Variants in RNF220 observed in about 807,000 individuals in gnomAD.
RNF220 encodes E3 ubiquitin-protein ligase RNF220.
A neutral mutation model predicts 67.1 loss-of-function variants in RNF220; 7 were observed. The ratio of observed to expected loss-of-function variants is 0.10; its 90% CI spans 0.06 to 0.20. RNF220 has a LOEUF of 0.20. Ranked by LOEUF, RNF220 falls within the 10% of genes least tolerant of loss-of-function variation. The pLI is 1.00. For missense variants in RNF220, 565 were observed against 740.3 expected, an observed-to-expected ratio of 0.76 and a Z score of 2.75; for synonymous variants, 270 against 283.2, an observed-to-expected ratio of 0.95 and a Z score of 0.47.
intron 2 of RNF220, among the ~76,000 whole-genome samples, chr1:44,513,329 G>A (rs960484469): frequency 6.6e-6 from 1 of 152,206 alleles, no homozygotes; most frequent in Non-Finnish European, 1.5e-5. Flanking sequence ...GCCCATGGGG[G>A]CCAGCCAGGC....
intron 2 of RNF220, among the ~76,000 whole-genome samples, chr1:44,506,551 G>T (rs1658445542): frequency 6.6e-6 from 1 of 152,214 alleles, no homozygotes; most frequent in Non-Finnish European, 1.5e-5. Context: ...GCCCCTGGGG[G>T]TCATCTATCA....
Position 44,498,339 on chromosome 1 carries a change from C to T in RNF220, c.625+85617C>T, listed in dbSNP as rs149523218. ...ATTCTGCCCAAGAGTGTACCAGGAC[C>T]GATGTCACCAAGCTCTCCATTTGCT... On this transcript the variant is annotated intron_variant, in intron 2 of 14. Transcript: ENST00000361799. Among the ~76,000 whole-genome samples, 21 of 152,190 alleles carry T rather than the reference C, an allele frequency of 1.4e-4. No homozygotes were observed. The South Asian group carries it at 3.5e-3, about 26-fold the overall frequency.
At chr1:44,488,868 C>A (rs1479631137) in intron 2 of RNF220, among the ~76,000 whole-genome samples, 1 of 149,830 alleles carries the variant, frequency 6.7e-6, no homozygotes, top group Non-Finnish European at 1.5e-5. Context: ...TAGCTGGGAC[C>A]ACAGGCGCAC....
chr1:44,474,932 C>T (rs1234231030), intron 2 of RNF220, among the ~76,000 whole-genome samples: 4 of 151,972 alleles, frequency 2.6e-5, no homozygotes, highest in African/African-American at 7.2e-5. Context: ...GGAACTAATC[C>T]GCCATGGATA....
intron 2 of RNF220, among the ~76,000 whole-genome samples, chr1:44,429,184 G>A (rs961670666): frequency 4.0e-5 from 6 of 151,812 alleles, no homozygotes; most frequent in Non-Finnish European, 7.4e-5. Context: ...AAAAAAGCTG[G>A]GGGGAGTAAT....
intron 5 of RNF220, chr1:44,631,957 A>C: frequency 2.2e-5 from 22 of 992,112 alleles, no homozygotes; most frequent in Non-Finnish European, 2.6e-5. Flanking sequence ...ACGGCGGCAG[A>C]TCACGTGATT....
intron 2 of RNF220, among the ~76,000 whole-genome samples, chr1:44,487,262 G>A (rs1011331011): frequency 1.6e-4 from 25 of 152,098 alleles, no homozygotes; most frequent in African/African-American, 5.8e-4. Flanking sequence ...TTGAACCTGG[G>A]AGGCAGAGGT....
chr1:44,627,700 C>G (rs1643997628), intron 5 of RNF220, among the ~76,000 whole-genome samples: 1 of 152,182 alleles, frequency 6.6e-6, no homozygotes, highest in Non-Finnish European at 1.5e-5. Context: ...CAGGGCTTCG[C>G]AGGGAGGCCC....
At chr1:44,582,839 C>G (rs916764327) in intron 2 of RNF220, among the ~76,000 whole-genome samples, 39 of 150,554 alleles carry the variant, frequency 2.6e-4, no homozygotes, top group African/African-American at 9.6e-4. Flanking sequence ...GCCTGGCCAA[C>G]ATAGTGAAAC....
At chr1:44,528,383 C>T (rs1375831138) in intron 2 of RNF220, among the ~76,000 whole-genome samples, 3 of 151,938 alleles carry the variant, frequency 2.0e-5, no homozygotes, top group Non-Finnish European at 4.4e-5. Context: ...TCACTGCAAG[C>T]TCCGTCTCCC....
At chr1:44,448,028 C>T (rs933604818) in intron 2 of RNF220, among the ~76,000 whole-genome samples, 5 of 151,954 alleles carry the variant, frequency 3.3e-5, no homozygotes, top group South Asian at 2.1e-4. Context: ...ATTGGCCGGG[C>T]AGTGTCACGC....
At chr1:44,598,777 T>C (rs1666719860) in intron 2 of RNF220, among the ~76,000 whole-genome samples, 1 of 152,226 alleles carries the variant, frequency 6.6e-6, no homozygotes, top group African/African-American at 2.4e-5. Flanking sequence ...ACTTGATATT[T>C]TGGTAAGGAG....
chr1:44,574,492 C>T (rs1664666758), intron 2 of RNF220, among the ~76,000 whole-genome samples: 2 of 152,238 alleles, frequency 1.3e-5, no homozygotes. Flanking sequence ...GAAAAAGCCT[C>T]TCAGGGCTTC....
chr1:44,420,967 G>A (rs992320833), intron 2 of RNF220, among the ~76,000 whole-genome samples: 2 of 152,208 alleles, frequency 1.3e-5, no homozygotes, highest in African/African-American at 2.4e-5. Context: ...AGCAATGTAT[G>A]TAGGGTCCTT....
chr1:44,635,352 C>T, intron 6 of RNF220, 193 bp from the exon 7 acceptor site: 3 of 723,640 alleles, frequency 4.1e-6, no homozygotes, highest in Non-Finnish European at 6.5e-6. Flanking sequence ...GCACCAGTCT[C>T]CTCCCCAGGT....
At chr1:44,458,086 C>T (rs1407794309) in intron 2 of RNF220, among the ~76,000 whole-genome samples, 1 of 141,556 alleles carries the variant, frequency 7.1e-6, no homozygotes, top group East Asian at 2.1e-4. Context: ...GCAAGACCCT[C>T]CCTCTACACA....
chr1:44,588,375 C>T (rs1229802123), intron 2 of RNF220, among the ~76,000 whole-genome samples: 6 of 152,216 alleles, frequency 3.9e-5, no homozygotes, highest in South Asian at 2.1e-4. Context: ...GGCCAGTAGG[C>T]GAGCTGCTCT....
intron 2 of RNF220, among the ~76,000 whole-genome samples, chr1:44,533,307 A>G (rs1426734516): frequency 6.6e-6 from 1 of 152,136 alleles, no homozygotes; most frequent in African/African-American, 2.4e-5. Context: ...CCTGGGCAAC[A>G]TAGTGAGACC....
intron 2 of RNF220, among the ~76,000 whole-genome samples, chr1:44,502,995 A>G (rs771804160): frequency 2.6e-5 from 4 of 151,890 alleles, no homozygotes; most frequent in African/African-American, 4.8e-5. Flanking sequence ...TGCATTTTTT[A>G]AGATTTCATT....
Sources: gnomAD v4.1 joint callset for allele counts (sites outside exome capture counted in the v4.1 genomes callset) on GRCh38, gnomAD v4.1.1 for gene constraint, MANE v1.5 for transcripts, NCBI Gene and HGNC (gene_info 2026-07-23, HGNC 2026-07-21) for gene names.